The following TBKBP1 variants were observed in gnomAD, a reference collection of about 807,000 sequenced individuals.
TBKBP1 encodes TANK-binding kinase 1-binding protein 1.
A neutral mutation model predicts 69.9 loss-of-function variants in TBKBP1; 47 were observed. The observed-to-expected ratio is 0.67, with a 90% CI of 0.53 to 0.86. TBKBP1 has a LOEUF of 0.86. Among genes scored for constraint, TBKBP1 ranks in the 40% least tolerant of loss-of-function variants. The probability of loss-of-function intolerance (pLI) is 0.00; values close to 1 mark genes in which losing one functional copy is unlikely to be tolerated. For missense variants in TBKBP1, 831 were observed against 858.6 expected (o/e 0.97, Z 0.40); for synonymous variants, 418 against 390.3 (o/e 1.07, Z -0.84).
At chr17:47,695,459 G>A (rs1403421630) in intron 1 of TBKBP1, 3 of 152,338 alleles carry the variant, frequency 2.0e-5, no homozygotes, top group Admixed American at 6.5e-5. Flanking sequence ...AGGACTTCCT[G>A]TGGGTCCCAG....
intron 9 of TBKBP1, 138 bp downstream of exon 9, chr17:47,709,590 A>G: frequency 7.8e-7 from 1 of 1,281,756 alleles, no homozygotes; most frequent in Admixed American, 3.6e-5. Flanking sequence ...ACCCCGGGCC[A>G]CAGTCTAGGT....
intron 2 of TBKBP1, 139 bp downstream of exon 2, chr17:47,696,476 T>C: frequency 8.6e-7 from 1 of 1,167,176 alleles, no homozygotes; most frequent in Non-Finnish European, 1.2e-6. Context: ...ATGAGAGACG[T>C]GGCTGTTCCG....
rs1318525446 is a variant in TBKBP1, at chr17:47,710,835, C to G, written c.*209C>G. 3.2e-6 allele frequency: 2 copies of G among 615,404 alleles called. No individual in the cohort carries two copies. The highest frequency in any genetic ancestry group is 1.9e-5 in the African/African-American group (1 of 53,366). The allele number at this position is 615,404 out of a possible 1,614,324, so 38.1% of individuals were successfully genotyped here. ...TCCTGGGAGGTCAGCCGAGGCTCCC[C>G]CCATGCTCCTGGTTTCTGCTTAGGA... On this transcript the variant is annotated 3_prime_UTR_variant, in exon 10 of 10. Coordinates refer to ENST00000578982, the MANE Select transcript of TBKBP1 (RefSeq NM_001394755.1).
At chr17:47,700,289 CTTTTTTTTT>C (rs774797034) in intron 7 of TBKBP1, among the ~76,000 whole-genome samples, 15 of 41,464 alleles carry the variant, frequency 3.6e-4, no homozygotes, top group East Asian at 7.1e-4. Context: ...GCGCCCGGAC[CTTTTTTTTT>C]TTTTTTTTTT....
chr17:47,708,868 T>A lies in TBKBP1; in HGVS notation c.1135T>A (p.Ser379Thr). The A allele has an allele frequency of 7.3e-7, 1 of 1,370,368 alleles. No individual in the cohort carries two copies. The allele number at this position is 1,370,368 out of a possible 1,614,324, so 84.9% of individuals were successfully genotyped here. Residue 379 changes from serine to threonine, a missense_variant, in exon 9 of 10, where the codon TCG becomes ACG. Ser to Thr is a moderately conservative substitution (Grantham distance 58, BLOSUM62 1). Coordinates refer to ENST00000578982, the MANE Select transcript of TBKBP1 (RefSeq NM_001394755.1). This position sits in a 1 kb window ranked among gnomAD's most constrained non-coding sequence, Gnocchi z 4.4. ...CCGCTCTCCCGTGCCCCCGTGCCCC[T>A]CGCCGCAGCAGCGCCGCTCTCCGGC... ...QRRSPVPPCP[S>T]PQQRRSPASP... is the part of the protein sequence containing the mutation.
intron 7 of TBKBP1, among the ~76,000 whole-genome samples, chr17:47,701,110 T>G (rs2031484163): frequency 6.6e-6 from 1 of 152,130 alleles, no homozygotes; most frequent in Admixed American, 6.5e-5. Context: ...CCAGCAGGCT[T>G]CTTCCTTATC....
At position 47,698,668 on chromosome 17, in the gene TBKBP1, A is replaced by G. The variant is rs111404604; in HGVS notation, c.527A>G (p.Gln176Arg). 3.8e-3 allele frequency: 6,029 copies of G among 1,604,024 alleles called. 155 individuals carry two copies. The African/African-American group carries it at 0.065, about 17-fold the overall frequency. ...CAGCTGCGGCAACAGCAAGGCCTCCAGGATGCAGCCTTCTCCAACCTGAGC... is the reference window on the plus strand; with the variant it reads ...CAGCTGCGGCAACAGCAAGGCCTCCGGGATGCAGCCTTCTCCAACCTGAGC... Reference protein sequence around the residue: ...EQQLRQQQGLQDAAFSNLSPP... With the variant: ...EQQLRQQQGLRDAAFSNLSPP... The change falls in exon 5 of 10, where the codon CAG becomes CGG. Residue 176 changes from glutamine to arginine, a missense_variant. Transcript: ENST00000578982.
At chr17:47,700,147 T>C (rs2031436135) in intron 7 of TBKBP1, among the ~76,000 whole-genome samples, 1 of 151,734 alleles carries the variant, frequency 6.6e-6, no homozygotes, top group Non-Finnish European at 1.5e-5. Context: ...CCACTACGCC[T>C]GGCTAATTTT....
At position 47,703,083 on chromosome 17, in the gene TBKBP1, C is replaced by T. The variant is rs565195326; in HGVS notation, c.872+3386C>T. ...GTAAGGGAGGGTGGGCTCATCTGTGCGGGGTCCATCTGGGAGAAGATGGGG... is the reference window on the plus strand; with the variant it reads ...GTAAGGGAGGGTGGGCTCATCTGTGTGGGGTCCATCTGGGAGAAGATGGGG... On this transcript the variant is annotated intron_variant, in intron 7 of 9. Coordinates refer to ENST00000578982, the MANE Select transcript of TBKBP1 (RefSeq NM_001394755.1). Among the ~76,000 whole-genome samples, 22 of 152,014 alleles carry T rather than the reference C, an allele frequency of 1.4e-4. No individual in the cohort carries two copies. In the East Asian group the frequency reaches 3.7e-3, roughly 25 times the overall value.
Position 47,696,091 on chromosome 17 carries a change from G to A in TBKBP1, c.-22G>A. On this transcript the variant is annotated 5_prime_UTR_variant, in exon 2 of 10. Coordinates refer to ENST00000578982, the MANE Select transcript of TBKBP1 (RefSeq NM_001394755.1). ...CCTGCTCTCCTAGGAGGCCCCGTGT[G>A]GGCCGCGGCCCGGCCCTCACCATGG... 1 of 1,588,158 alleles carries A rather than the reference G, an allele frequency of 6.3e-7. No individual in the cohort carries two copies.
chr17:47,703,183 C>T (rs984060248), intron 7 of TBKBP1, among the ~76,000 whole-genome samples: 4 of 151,958 alleles, frequency 2.6e-5, no homozygotes, highest in Non-Finnish European at 5.9e-5. Flanking sequence ...CGCTGCAGCC[C>T]GGGCCCTTTT....
Position 47,708,554 on chromosome 17 carries a change from G to C in TBKBP1, c.991+42G>C. ...CAGGGGGAGGCAGCCGCGGGACCCG[G>C]GAAGGAGCGGGTAGCCATGGCAACC... On this transcript the variant is annotated intron_variant, in intron 8 of 9. Coordinates refer to ENST00000578982, the MANE Select transcript of TBKBP1 (RefSeq NM_001394755.1). This position sits in a 1 kb window ranked among gnomAD's most constrained non-coding sequence, Gnocchi z 4.4. 6.3e-7 allele frequency: 1 copy of C among 1,599,620 alleles called. No homozygotes were observed. The highest frequency in any genetic ancestry group is 8.6e-7 in the Non-Finnish European group (1 of 1,168,728).
rs763488805 is a variant in TBKBP1 at position 47,708,552 on chromosome 17, C to T, written c.991+40C>T. Reference sequence around the variant, plus strand: ...GGCAGGGGGAGGCAGCCGCGGGACCCGGGAAGGAGCGGGTAGCCATGGCAA... The same window carrying T: ...GGCAGGGGGAGGCAGCCGCGGGACCTGGGAAGGAGCGGGTAGCCATGGCAA... On this transcript the variant is annotated intron_variant, in intron 8 of 9. Coordinates refer to ENST00000578982, the MANE Select transcript of TBKBP1 (RefSeq NM_001394755.1). This position sits in a 1 kb window ranked among gnomAD's most constrained non-coding sequence, Gnocchi z 4.4. The T allele has an allele frequency of 1.8e-5, 28 of 1,598,632 alleles. No homozygotes were observed. The highest frequency in any genetic ancestry group is 2.3e-5 in the Non-Finnish European group (27 of 1,168,298).
intron 7 of TBKBP1, among the ~76,000 whole-genome samples, chr17:47,704,097 GAC>G (rs1296531419): frequency 6.6e-6 from 1 of 152,208 alleles, no homozygotes; most frequent in Non-Finnish European, 1.5e-5. Context: ...CGTGAACTGG[GAC>G]AGTCCTAGGC....
intron 4 of TBKBP1, among the ~76,000 whole-genome samples, chr17:47,697,447 G>T (rs1345078257): frequency 3.3e-5 from 5 of 152,170 alleles, no homozygotes; most frequent in African/African-American, 1.2e-4. Flanking sequence ...GGCCCCGTGG[G>T]AACCTCTGTC....
rs371530891 is a variant in TBKBP1 at position 47,697,004 on chromosome 17, G to T, written c.349-85G>T. On this transcript the variant is annotated intron_variant, in intron 3 of 9. Coordinates refer to ENST00000578982, the MANE Select transcript of TBKBP1 (RefSeq NM_001394755.1). The stretch of plus-strand genomic sequence containing the variant: ...TGCCCCTCCATAGGGTGCTGGGAGT[G>T]GGGGTGGGGAGGTGCAGGGAGCTCT... 1.5e-4 allele frequency: 232 copies of T among 1,519,992 alleles called. No homozygotes were observed. In the East Asian group the frequency reaches 3.3e-3, roughly 21 times the overall value. 94.2% of individuals were successfully genotyped at this position (1,519,992 alleles called of 1,614,324 possible).
In TBKBP1 at chr17:47,708,710, C is replaced by G; in HGVS notation, c.992-15C>G. The G allele has an allele frequency of 6.7e-7, 1 of 1,483,100 alleles. No homozygotes were observed. The highest frequency in any genetic ancestry group is 8.9e-7 in the Non-Finnish European group (1 of 1,122,608). 91.9% of individuals were successfully genotyped at this position (1,483,100 alleles called of 1,614,324 possible). ...GCACCTTTGTCCCCCCACCCCGTCC[C>G]GGTTTCTCTTCCAGGCCAGAGGCAC... is the stretch of plus-strand genomic sequence containing the variant. On this transcript the variant is annotated splice_polypyrimidine_tract_variant and intron_variant, in intron 8 of 9. Coordinates refer to ENST00000578982, the MANE Select transcript of TBKBP1 (RefSeq NM_001394755.1). The surrounding 1 kb of genome is among the most constrained non-coding windows in gnomAD (Gnocchi z 4.4).
In TBKBP1 at chr17:47,709,419, C is replaced by A. The variant is rs767606161; in HGVS notation, c.1686C>A (p.His562Gln). 1 of 1,542,120 alleles carries A rather than the reference C, an allele frequency of 6.5e-7. No homozygotes were observed. Among genetic ancestry groups the A allele is most frequent in the Non-Finnish European group, 8.7e-7 (1 of 1,152,588 alleles). ...PESPAATAYA[H>Q]AEHAQSWPSI... ...CGCCCGCCGCCACCGCCTACGCCCACGCCGAGCACGCGCAGTCCTGGCCGT... is the reference window on the plus strand; with the variant it reads ...CGCCCGCCGCCACCGCCTACGCCCAAGCCGAGCACGCGCAGTCCTGGCCGT... Residue 562 changes from histidine (H) to glutamine (Q), a missense_variant, in exon 9 of 10, where the codon CAC (histidine) becomes CAA (glutamine). By Grantham distance (24) the His-to-Gln change is conservative. Coordinates refer to ENST00000578982, the MANE Select transcript of TBKBP1 (RefSeq NM_001394755.1).
intron 3 of TBKBP1, 101 bp from the exon 4 acceptor site, chr17:47,696,988 A>G (rs1303547779): frequency 6.6e-7 from 1 of 1,510,016 alleles, no homozygotes; most frequent in Non-Finnish European, 9.0e-7. Context: ...CTGCCCCTCC[A>G]TAGGGTGCTG....
Sources: allele counts gnomAD v4.1 joint callset (sites outside exome capture counted in the v4.1 genomes callset), GRCh38; gene constraint gnomAD v4.1.1; non-coding constraint Gnocchi (gnomAD v3.1); transcripts MANE v1.5; gene names NCBI Gene and HGNC (gene_info 2026-07-23, HGNC 2026-07-21).